The following IGF2R variants were observed in gnomAD, a reference collection of about 807,000 sequenced individuals.
The protein encoded by IGF2R is cation-independent mannose-6-phosphate receptor.
A neutral mutation model predicts 270.6 loss-of-function variants in IGF2R; 91 were observed. The observed-to-expected ratio is 0.34, with a 90% CI of 0.28 to 0.40. IGF2R has a LOEUF of 0.40. Among genes scored for constraint, IGF2R ranks in the 10% least tolerant of loss-of-function variants. The pLI is 1.00. For missense variants in IGF2R, 2,805 were observed against 3,188.3 expected, an observed-to-expected ratio of 0.88 and a Z score of 2.90; for synonymous variants, 1,316 against 1,258.9, an observed-to-expected ratio of 1.05 and a Z score of -0.96.
intron 2 of IGF2R, among the ~76,000 whole-genome samples, chr6:160,002,700 A>G (rs1784148765): frequency 6.6e-6 from 1 of 152,116 alleles, no homozygotes; most frequent in Admixed American, 6.5e-5. Context: ...TATGAGTATT[A>G]TTATTTAATA....
intron 10 of IGF2R, among the ~76,000 whole-genome samples, chr6:160,036,455 C>T (rs976034032): frequency 2.0e-5 from 3 of 152,142 alleles, no homozygotes; most frequent in Non-Finnish European, 2.9e-5. Context: ...AACTGGCTCT[C>T]CTGGACTCCG....
intron 39 of IGF2R, among the ~76,000 whole-genome samples, chr6:160,082,665 G>A (rs567599982): frequency 9.2e-5 from 14 of 152,306 alleles, no homozygotes; most frequent in African/African-American, 2.4e-4. Flanking sequence ...ATACCCGTGT[G>A]AGGAATCACC....
Position 160,090,972 on chromosome 6 carries a change from G to C in IGF2R, c.6655+869G>C, listed in dbSNP as rs372469278. 6.1e-5 allele frequency among the ~76,000 whole-genome samples: 9 copies of C among 146,384 alleles called. No individual in the cohort carries two copies. The East Asian group carries it at 1.9e-3, about 30-fold the overall frequency. The stretch of plus-strand genomic sequence containing the variant: ...ATCGCCGAGAAGGAGCGGGTGCTCT[G>C]TGCCCTGGTGCTGAGCGCATCGCTG... On this transcript the variant is annotated intron_variant, in intron 44 of 47. Transcript: ENST00000356956.
chr6:160,066,140 G>A (rs539797795), intron 29 of IGF2R, among the ~76,000 whole-genome samples: 44 of 150,934 alleles, frequency 2.9e-4, no homozygotes, highest in Non-Finnish European at 5.0e-4. Context: ...TCAGCCTCCC[G>A]AGTAGCTGGG....
intron 2 of IGF2R, among the ~76,000 whole-genome samples, chr6:159,994,871 A>G (rs1267545571): frequency 2.0e-5 from 3 of 152,172 alleles, no homozygotes; most frequent in Admixed American, 1.3e-4. Flanking sequence ...CATATGGTCT[A>G]CCCTGGAGAC....
At chr6:160,077,240 A>T (rs571735062) in intron 36 of IGF2R, among the ~76,000 whole-genome samples, 4 of 152,204 alleles carry the variant, frequency 2.6e-5, no homozygotes, top group Admixed American at 2.6e-4. Context: ...GCATCTGTTT[A>T]TAAGCGTATT....
At chr6:160,015,990 T>C (rs986200576) in intron 4 of IGF2R, among the ~76,000 whole-genome samples, 2 of 152,236 alleles carry the variant, frequency 1.3e-5, no homozygotes, top group African/African-American at 4.8e-5. Flanking sequence ...GAAGCCGAGC[T>C]ATGCTTCCTG....
At chr6:160,062,225 G>C (rs1343488140) in intron 25 of IGF2R, among the ~76,000 whole-genome samples, 1 of 140,588 alleles carries the variant, frequency 7.1e-6, no homozygotes, top group Non-Finnish European at 1.5e-5. Context: ...CCAGGCTGGA[G>C]TGCAGTGGTG....
In IGF2R at chr6:160,049,725, A is replaced by G. The variant is rs187944591; in HGVS notation, c.2515-748A>G. On this transcript the variant is annotated intron_variant, in intron 18 of 47. Coordinates refer to ENST00000356956, the MANE Select transcript of IGF2R (RefSeq NM_000876.4). ...TTAGGTGAGCCACTTAACACTCCTT[A>G]ACCTCGTTTTTCCTTCTGTAAAATA... Among the ~76,000 whole-genome samples, 230 of 152,322 alleles carry G rather than the reference A, an allele frequency of 1.5e-3. 1 individual carries two copies. The highest frequency in any genetic ancestry group is 5.4e-3 in the African/African-American group (224 of 41,560).
Position 160,108,115 on chromosome 6 carries a change from T to C in IGF2R, c.*3031T>C, listed in dbSNP as rs1489623110. On this transcript the variant is annotated 3_prime_UTR_variant, in exon 48 of 48. Coordinates refer to ENST00000356956, the MANE Select transcript of IGF2R (RefSeq NM_000876.4). ...AGACTGGATTTCTGGAAATATCCTTTACTGACTCTGAAGAATCCCATGGCT... is the reference window on the plus strand; with the variant it reads ...AGACTGGATTTCTGGAAATATCCTTCACTGACTCTGAAGAATCCCATGGCT... The C allele has an allele frequency of 6.6e-6, 1 of 152,278 alleles. No individual in the cohort carries two copies. Among genetic ancestry groups the C allele is most frequent in the Admixed American group, 6.5e-5 (1 of 15,284 alleles). The allele number at this position is 152,278 out of a possible 1,614,324, so 9.4% of individuals were successfully genotyped here. A position where few individuals can be genotyped will look rare whatever the true frequency, so the allele number is the denominator to read the frequency against.
chr6:159,988,910 C>T (rs187129163), intron 1 of IGF2R, among the ~76,000 whole-genome samples: 98 of 152,220 alleles, frequency 6.4e-4, no homozygotes, highest in Admixed American at 5.9e-4. Flanking sequence ...TAAAGGTTAA[C>T]GAAGGGCAAA....
intron 35 of IGF2R, among the ~76,000 whole-genome samples, chr6:160,074,922 C>T (rs766165089): frequency 5.9e-5 from 9 of 152,182 alleles, no homozygotes; most frequent in Non-Finnish European, 7.3e-5. Context: ...TTTCTGACAG[C>T]GCAGACCGGG....
chr6:160,030,303 C>T (rs1239876277), intron 7 of IGF2R, among the ~76,000 whole-genome samples: 2 of 152,118 alleles, frequency 1.3e-5, no homozygotes, highest in African/African-American at 4.8e-5. Context: ...GCAGGGCTTT[C>T]CTTTAGTTTC....
intron 12 of IGF2R, 142 bp from the exon 13 acceptor site, chr6:160,044,372 C>A: frequency 1.3e-6 from 1 of 763,978 alleles, no homozygotes; most frequent in Non-Finnish European, 2.1e-6. Flanking sequence ...GTTCAGGGGG[C>A]TGGAGAAGGG....
At position 160,105,323 on chromosome 6, in the gene IGF2R, G is replaced by C. The variant is rs763053002; in HGVS notation, c.*239G>C. On this transcript the variant is annotated 3_prime_UTR_variant, in exon 48 of 48. Transcript: ENST00000356956. ...GCCACAGGGCGGTACCTTGTGCCCA[G>C]GGTTTTGCCCCAAGTCCTCATTTAA... 8.7e-5 allele frequency: 41 copies of C among 469,556 alleles called. No individual in the cohort carries two copies. The Admixed American group carries it at 1.2e-3, about 13-fold the overall frequency. The allele number at this position is 469,556 out of a possible 1,614,324, so 29.1% of individuals were successfully genotyped here. A position where few individuals can be genotyped will look rare whatever the true frequency, so the allele number is the denominator to read the frequency against.
chr6:160,004,758 T>G lies in IGF2R; in HGVS notation c.290-4252T>G, dbSNP rs906599387. On this transcript the variant is annotated intron_variant, in intron 2 of 47. Transcript: ENST00000356956. This position sits in a 1 kb window ranked among gnomAD's most constrained non-coding sequence, Gnocchi z 5.2. ...AATGTGTCCTGGTAGGCCTGGTGAGTGTGTGAGCATGGCCTAGAGTGTCAC... is the reference window on the plus strand; with the variant it reads ...AATGTGTCCTGGTAGGCCTGGTGAGGGTGTGAGCATGGCCTAGAGTGTCAC... 1.8e-4 allele frequency: 28 copies of G among 152,484 alleles called. No homozygotes were observed. Among genetic ancestry groups the G allele is most frequent in the Admixed American group, 3.9e-4 (6 of 15,244 alleles). The allele number at this position is 152,484 out of a possible 1,614,324, so 9.4% of individuals were successfully genotyped here. A position where few individuals can be genotyped will look rare whatever the true frequency, so the allele number is the denominator to read the frequency against.
Position 160,106,036 on chromosome 6 carries a change from A to AT in IGF2R, c.*959dup, listed in dbSNP as rs980133203. 2 of 152,236 alleles carry AT rather than the reference A, an allele frequency of 1.3e-5. No individual in the cohort carries two copies. The highest frequency in any genetic ancestry group is 2.4e-5 in the African/African-American group (1 of 41,334). 9.4% of individuals were successfully genotyped at this position (152,236 alleles called of 1,614,324 possible). On this transcript the variant is annotated 3_prime_UTR_variant, in exon 48 of 48. Transcript: ENST00000356956. ...TCATGATACCACCTTTACTGTGCTT[A>AT]TTTTTTTAAGAAAAAAGTGTTGATC... is the stretch of plus-strand genomic sequence containing the variant.
intron 35 of IGF2R, among the ~76,000 whole-genome samples, chr6:160,074,301 T>A (rs1336166325): frequency 6.6e-6 from 1 of 152,254 alleles, no homozygotes; most frequent in African/African-American, 2.4e-5. Flanking sequence ...TGCCCTAGCC[T>A]GGTTTCTTTG....
chr6:160,067,564 TTGAA>T (rs1311802507), intron 29 of IGF2R, among the ~76,000 whole-genome samples: 7 of 152,206 alleles, frequency 4.6e-5, no homozygotes, highest in South Asian at 2.1e-4. Flanking sequence ...CACACAGCTT[TTGAA>T]TGAATGACCA....
Sources: gnomAD v4.1 joint callset for allele counts (sites outside exome capture counted in the v4.1 genomes callset) on GRCh38, gnomAD v4.1.1 for gene constraint, Gnocchi (gnomAD v3.1) non-coding constraint, MANE v1.5 for transcripts, NCBI Gene and HGNC (gene_info 2026-07-23, HGNC 2026-07-21) for gene names.